Variants in NFASC observed in about 807,000 individuals in gnomAD.
NFASC encodes the protein neurofascin, also known as neurofascin homolog.
A neutral mutation model predicts 147.5 loss-of-function variants in NFASC; 43 were observed. That is an observed-to-expected ratio of 0.29 (90% CI 0.23 to 0.38). The LOEUF (loss-of-function observed/expected upper bound fraction) is 0.38. NFASC is among the 10% of genes least tolerant of loss of function. The pLI, the probability that NFASC is intolerant of heterozygous loss-of-function variation, is 1.00. For synonymous variants in NFASC, 622 were observed against 665.5 expected, an observed-to-expected ratio of 0.93 and a Z score of 1.01; for missense variants, 1,320 against 1,689.0, an observed-to-expected ratio of 0.78 and a Z score of 3.83.
intron 2 of NFASC, among the ~76,000 whole-genome samples, chr1:204,938,906 TC>T (rs1421529227): frequency 6.6e-6 from 1 of 152,188 alleles, no homozygotes; most frequent in Non-Finnish European, 1.5e-5. Context: ...CATCCAGCCT[TC>T]CTCCTGTGTG....
intron 1 of NFASC, among the ~76,000 whole-genome samples, chr1:204,917,796 T>C (rs557948258): frequency 3.3e-5 from 5 of 152,228 alleles, no homozygotes; most frequent in Non-Finnish European, 7.3e-5. Context: ...TTATCTTGTA[T>C]GTTTGCTGCA....
intron 24 of NFASC, among the ~76,000 whole-genome samples, chr1:204,996,565 G>A (rs1384545757): frequency 3.3e-5 from 5 of 152,348 alleles, no homozygotes. Context: ...CCGGAGGAGG[G>A]CGAGGGCAGG....
intron 2 of NFASC, among the ~76,000 whole-genome samples, chr1:204,940,588 CCTT>C (rs57976032): frequency 0.14 from 21,568 of 152,196 alleles, 1,871 homozygotes; most frequent in African/African-American, 0.25. Context: ...CAGTTTCCCT[CCTT>C]CTCCCTTCCC....
In NFASC at chr1:204,897,876, C is replaced by G. The variant is rs531909344; in HGVS notation, c.-199-22756C>G. 4.6e-5 allele frequency among the ~76,000 whole-genome samples: 7 copies of G among 152,328 alleles called. No individual in the cohort carries two copies. In the South Asian group the frequency reaches 6.2e-4, roughly 14 times the overall value. On this transcript the variant is annotated intron_variant, in intron 1 of 29. Coordinates refer to ENST00000339876, the MANE Select transcript of NFASC (RefSeq NM_001005388.3). ...TCAGCCTCCCAAGTAGCTGGGATTA[C>G]AGGTGCGTGCCACCACGCCCAGCTA... is the stretch of plus-strand genomic sequence containing the variant.
At chr1:205,008,267 G>T (rs893418998) in intron 27 of NFASC, among the ~76,000 whole-genome samples, 3 of 152,214 alleles carry the variant, frequency 2.0e-5, no homozygotes, top group Admixed American at 2.0e-4. Flanking sequence ...CAAAGGGTGG[G>T]CTTGCACCCA....
rs2079293131 is a variant in NFASC, at chr1:204,877,608, GGT to G, written c.-199-43023_-199-43022del. Reference sequence around the variant, plus strand: ...ACTCAATTTTTAAGGTTTCTATGGGGGTCCCCTTGGCCAAGAGGGGTTCCATG... The same window carrying G: ...ACTCAATTTTTAAGGTTTCTATGGGGCCCCTTGGCCAAGAGGGGTTCCATG... On this transcript the variant is annotated intron_variant, in intron 1 of 29. Transcript: ENST00000339876. Among the ~76,000 whole-genome samples, 4 of 152,206 alleles carry G rather than the reference GGT, an allele frequency of 2.6e-5. 1 individual carries two copies. The South Asian group carries it at 8.3e-4, about 32-fold the overall frequency.
At chr1:204,881,511 G>A (rs2148884198) in intron 1 of NFASC, among the ~76,000 whole-genome samples, 1 of 152,298 alleles carries the variant, frequency 6.6e-6, no homozygotes, top group Non-Finnish European at 1.5e-5. Context: ...CTATCCAGTT[G>A]AGCTTTACTA....
chr1:204,984,594 A>G (rs1452562082), intron 21 of NFASC, among the ~76,000 whole-genome samples: 1 of 151,914 alleles, frequency 6.6e-6, no homozygotes, highest in African/African-American at 2.4e-5. Context: ...CCCTCTCCCA[A>G]TGGCCCCTAC....
chr1:204,976,059 G>A (rs1395428821), intron 15 of NFASC, among the ~76,000 whole-genome samples: 1 of 152,196 alleles, frequency 6.6e-6, no homozygotes. Context: ...CCCCGAGGGA[G>A]CAAAGTTGTG....
intron 25 of NFASC, chr1:204,997,987 G>A (rs1332561406): frequency 1.3e-5 from 2 of 153,498 alleles, no homozygotes; most frequent in Non-Finnish European, 2.9e-5. Flanking sequence ...CTTTTACAAA[G>A]TCAGAGCTTC....
intron 1 of NFASC, among the ~76,000 whole-genome samples, chr1:204,888,816 G>T (rs2081834425): frequency 2.6e-5 from 4 of 152,218 alleles, no homozygotes. Context: ...TGGCCATTTT[G>T]TAGGAAACAG....
chr1:204,968,524 C>G lies in NFASC; in HGVS notation c.818+164C>G, dbSNP rs140078688. 3.0e-5 allele frequency: 19 copies of G among 625,584 alleles called. No individual in the cohort carries two copies. In the African/African-American group the frequency reaches 3.5e-4, roughly 11 times the overall value. 38.8% of individuals were successfully genotyped at this position (625,584 alleles called of 1,614,324 possible). A position where few individuals can be genotyped will look rare whatever the true frequency, so the allele number is the denominator to read the frequency against. On this transcript the variant is annotated intron_variant, in intron 9 of 29. Transcript: ENST00000339876. The surrounding 1 kb of genome is among the most constrained non-coding windows in gnomAD (Gnocchi z 5.4). ...AGGGTGTTGCAAACCATAGTCATCT[C>G]CATCCTATCCTGGCCATCTCTGTTT...
In NFASC at chr1:205,010,911, A is replaced by T. The variant is rs1303100749; in HGVS notation, c.3421+1223A>T. ...GAGCAAGACTCCGTCTCAAAAAAGG[A>T]AAAAAAAAAAAAAAGATCCTGCAGC... On this transcript the variant is annotated intron_variant, in intron 28 of 29. Coordinates refer to ENST00000339876, the MANE Select transcript of NFASC (RefSeq NM_001005388.3). The surrounding 1 kb of genome is among the most constrained non-coding windows in gnomAD (Gnocchi z 4.1). The T allele has an allele frequency of 1.8e-5, 1 of 54,054 alleles. No individual in the cohort carries two copies. Among genetic ancestry groups the T allele is most frequent in the Non-Finnish European group, 5.9e-5 (1 of 16,940 alleles). 3.3% of individuals were successfully genotyped at this position (54,054 alleles called of 1,614,324 possible). A position where few individuals can be genotyped will look rare whatever the true frequency, so the allele number is the denominator to read the frequency against.
At chr1:204,897,275 A>C (rs74138650) in intron 1 of NFASC, among the ~76,000 whole-genome samples, 1,713 of 152,254 alleles carry the variant, frequency 0.011, 28 homozygotes, top group African/African-American at 0.038. Flanking sequence ...AGACAATGAC[A>C]GATGGAGGGT....
intron 8 of NFASC, chr1:204,962,193 C>CTTG: frequency 1.3e-6 from 2 of 1,570,656 alleles, no homozygotes; most frequent in Non-Finnish European, 1.7e-6. Flanking sequence ...AGTAACCTTG[C>CTTG]CTGTGCTAAC....
In NFASC at chr1:204,892,587, A is replaced by C. The variant is rs1469435562; in HGVS notation, c.-199-28045A>C. ...CCACTAGCCCATGTGACTATTGAGC[A>C]CTTGAAATGTGGCTGACCTGAATTG... On this transcript the variant is annotated intron_variant, in intron 1 of 29. Coordinates refer to ENST00000339876, the MANE Select transcript of NFASC (RefSeq NM_001005388.3). 2.6e-5 allele frequency among the ~76,000 whole-genome samples: 4 copies of C among 152,226 alleles called. No individual in the cohort carries two copies. The East Asian group carries it at 7.7e-4, about 29-fold the overall frequency.
intron 2 of NFASC, among the ~76,000 whole-genome samples, chr1:204,943,415 A>G (rs1357770348): frequency 6.6e-6 from 1 of 152,132 alleles, no homozygotes; most frequent in Non-Finnish European, 1.5e-5. Flanking sequence ...GTGCTTGAGG[A>G]TGAACACTGA....
intron 4 of NFASC, 111 bp downstream of exon 4, chr1:204,950,685 C>T (rs2094043185): frequency 3.2e-6 from 3 of 945,748 alleles, no homozygotes; most frequent in Non-Finnish European, 3.4e-6. Flanking sequence ...GGGGCCTCTT[C>T]ATACCAGAGC....
At chr1:205,011,186 T>A (rs1300999947) in intron 28 of NFASC, among the ~76,000 whole-genome samples, 5 of 148,610 alleles carry the variant, frequency 3.4e-5, no homozygotes, top group Non-Finnish European at 7.4e-5. Context: ...CCCCATCTCT[T>A]AGAACAGGTC....
Sources: allele counts gnomAD v4.1 joint callset (sites outside exome capture counted in the v4.1 genomes callset), GRCh38; gene constraint gnomAD v4.1.1; non-coding constraint Gnocchi (gnomAD v3.1); transcripts MANE v1.5; gene names NCBI Gene and HGNC (gene_info 2026-07-23, HGNC 2026-07-21).